Variants in NRXN1 observed in about 807,000 individuals in gnomAD.
NRXN1 encodes the protein neurexin 1.
A neutral mutation model predicts 150.9 loss-of-function variants in NRXN1; 39 were observed. The observed-to-expected ratio is 0.26, with a 90% CI of 0.20 to 0.34. NRXN1 has a LOEUF of 0.34. Among genes scored for constraint, NRXN1 ranks in the 10% least tolerant of loss-of-function variants. The pLI, the probability that NRXN1 is intolerant of heterozygous loss-of-function variation, is 1.00. For missense variants in NRXN1, 1,815 were observed against 1,949.9 expected (o/e 0.93, Z 1.30); for synonymous variants, 924 against 757.0 (o/e 1.22, Z -3.62).
rs2105327685 is a variant in NRXN1, at chr2:51,027,626, C to T, written c.648G>A (p.Pro216=). 2.5e-6 allele frequency: 4 copies of T among 1,583,508 alleles called. No individual in the cohort carries two copies. The highest frequency in any genetic ancestry group is 3.4e-6 in the Non-Finnish European group (4 of 1,164,950). Residue 216 remains proline (P), a synonymous_variant, in exon 2 of 23, where the codon CCG becomes CCA. Coordinates refer to ENST00000401669, the MANE Select transcript of NRXN1 (RefSeq NM_001330078.2). ...DEPPNSGGGS[P]CEAGEEGEGG... ...CCTCGCCCTCCTCGCCCGCCTCGCA[C>T]GGGCTTCCCCCGCCGCTGTTGGGCG...
chr2:50,538,025 T>A (rs935878774), intron 10 of NRXN1, among the ~76,000 whole-genome samples: 2 of 152,182 alleles, frequency 1.3e-5, no homozygotes, highest in Non-Finnish European at 2.9e-5. Context: ...AAGATTCAAG[T>A]TTCTATTCCT....
intron 5 of NRXN1, among the ~76,000 whole-genome samples, chr2:50,649,261 C>CAT (rs2104543039): frequency 1.4e-5 from 1 of 73,326 alleles, no homozygotes; most frequent in South Asian, 3.5e-4. Flanking sequence ...TACACACATA[C>CAT]ACACACACAC....
Position 49,921,877 on chromosome 2 carries a change from A to C in NRXN1, c.*67T>G, listed in dbSNP as rs1668264483. On this transcript the variant is annotated 3_prime_UTR_variant, in exon 23 of 23. Coordinates refer to ENST00000401669, the MANE Select transcript of NRXN1 (RefSeq NM_001330078.2). ...TGCTTCATAAAAAGGAAAGTAAATA[A>C]GTTTATATTATGTCTCAGATAAAAT... 2.0e-6 allele frequency: 3 copies of C among 1,498,054 alleles called. No homozygotes were observed. The highest frequency in any genetic ancestry group is 1.2e-5 in the South Asian group (1 of 85,348). 92.8% of individuals were successfully genotyped at this position (1,498,054 alleles called of 1,614,324 possible). A position where few individuals can be genotyped will look rare whatever the true frequency, so the allele number is the denominator to read the frequency against.
At chr2:50,583,781 T>C (rs546960339) in intron 8 of NRXN1, among the ~76,000 whole-genome samples, 4 of 152,320 alleles carry the variant, frequency 2.6e-5, no homozygotes, top group African/African-American at 9.6e-5. Flanking sequence ...GCCCTCACCA[T>C]CTTCCAACTA....
chr2:50,821,233 G>A (rs1429948854), intron 5 of NRXN1, among the ~76,000 whole-genome samples: 4 of 152,156 alleles, frequency 2.6e-5, no homozygotes, highest in Non-Finnish European at 4.4e-5. Context: ...GGATGGTTTT[G>A]AATGCAGCCC....
chr2:50,150,191 G>C (rs189440090), intron 18 of NRXN1, among the ~76,000 whole-genome samples: 2 of 151,864 alleles, frequency 1.3e-5, no homozygotes, highest in African/African-American at 4.8e-5. Flanking sequence ...AGCTGACCTA[G>C]AGTTAATCAC....
rs113920146 is a variant in NRXN1 at position 50,280,802 on chromosome 2, T to C, written c.3365-43832A>G. ...TAGGATGCTCCTATTGAGCCTTTCCTGAGGGAAGAATATGATTAATGAAAG... is the reference window on the plus strand; with the variant it reads ...TAGGATGCTCCTATTGAGCCTTTCCCGAGGGAAGAATATGATTAATGAAAG... On this transcript the variant is annotated intron_variant, in intron 17 of 22. Transcript: ENST00000401669. Among the ~76,000 whole-genome samples the C allele has an allele frequency of 7.2e-3, 1,104 of 152,290 alleles. 19 individuals carry two copies. Among genetic ancestry groups the C allele is most frequent in the African/African-American group, 0.025 (1,028 of 41,540 alleles).
At chr2:50,568,192 A>G (rs1670153528) in intron 8 of NRXN1, among the ~76,000 whole-genome samples, 1 of 152,044 alleles carries the variant, frequency 6.6e-6, no homozygotes, top group Admixed American at 6.5e-5. Flanking sequence ...TTAACTTTTA[A>G]TAATAATGAT....
chr2:50,003,366 CA>C (rs1026377829), intron 21 of NRXN1, among the ~76,000 whole-genome samples: 2 of 152,070 alleles, frequency 1.3e-5, no homozygotes, highest in Non-Finnish European at 2.9e-5. Context: ...TTTGTAATGC[CA>C]AACACAAATT....
At chr2:50,938,426 T>C (rs575338534) in intron 2 of NRXN1, among the ~76,000 whole-genome samples, 12 of 152,150 alleles carry the variant, frequency 7.9e-5, no homozygotes, top group Middle Eastern at 3.2e-3. Context: ...GTCAGAACCA[T>C]TCAACAAGAC....
intron 5 of NRXN1, among the ~76,000 whole-genome samples, chr2:50,825,103 T>A (rs1670269482): frequency 6.6e-6 from 1 of 152,202 alleles, no homozygotes; most frequent in South Asian, 2.1e-4. Context: ...ATAGTTTTGT[T>A]TATTCATTTG....
Position 50,547,583 on chromosome 2 carries a change from T to A in NRXN1, c.1759+5004A>T, listed in dbSNP as rs1399844152. The A allele has an allele frequency of 2.6e-5, 4 of 152,220 alleles. No homozygotes were observed. The East Asian group carries it at 7.7e-4, about 29-fold the overall frequency. 9.4% of individuals were successfully genotyped at this position (152,220 alleles called of 1,614,324 possible). A position where few individuals can be genotyped will look rare whatever the true frequency, so the allele number is the denominator to read the frequency against. ...AACAACAAAAACGCTCAGCTGTAAG[T>A]CCTGCAAAAATTGCAAAGTAATGGG... On this transcript the variant is annotated intron_variant, in intron 9 of 22. Coordinates refer to ENST00000401669, the MANE Select transcript of NRXN1 (RefSeq NM_001330078.2).
At chr2:50,724,870 C>G (rs952967225) in intron 5 of NRXN1, among the ~76,000 whole-genome samples, 1 of 152,078 alleles carries the variant, frequency 6.6e-6, no homozygotes, top group East Asian at 1.9e-4. Context: ...TCTTCTTTTG[C>G]TCTTCACAAT....
chr2:50,774,458 A>G (rs1703370449), intron 5 of NRXN1, among the ~76,000 whole-genome samples: 1 of 152,184 alleles, frequency 6.6e-6, no homozygotes, highest in Non-Finnish European at 1.5e-5. Context: ...TATATGACAC[A>G]GTAAAAATGC....
chr2:50,267,540 G>A (rs1189853644), intron 17 of NRXN1, among the ~76,000 whole-genome samples: 1 of 152,140 alleles, frequency 6.6e-6, no homozygotes, highest in Non-Finnish European at 1.5e-5. Context: ...TCAGAAGGAT[G>A]AAGCTGCTTG....
At chr2:51,011,727 T>C (rs1667907338) in intron 2 of NRXN1, among the ~76,000 whole-genome samples, 1 of 152,060 alleles carries the variant, frequency 6.6e-6, no homozygotes, top group Non-Finnish European at 1.5e-5. Context: ...GACCAATTTA[T>C]ATACAAGTGC....
intron 5 of NRXN1, among the ~76,000 whole-genome samples, chr2:50,837,453 T>C (rs1028953591): frequency 1.3e-5 from 2 of 152,132 alleles, no homozygotes; most frequent in Non-Finnish European, 2.9e-5. Flanking sequence ...CTTGGGCAAG[T>C]ACTTTCATTT....
chr2:50,788,644 T>C (rs1016701895), intron 5 of NRXN1, among the ~76,000 whole-genome samples: 2 of 151,888 alleles, frequency 1.3e-5, no homozygotes, highest in African/African-American at 4.8e-5. Context: ...AGAAACCCTT[T>C]CGAGAAGGCC....
chr2:50,598,332 G>C (rs1675585252), intron 8 of NRXN1, among the ~76,000 whole-genome samples: 1 of 151,924 alleles, frequency 6.6e-6, no homozygotes, highest in African/African-American at 2.4e-5. Flanking sequence ...TTGCATCTTT[G>C]TTCAGTCTCT....
Sources: gnomAD v4.1 joint callset for allele counts (sites outside exome capture counted in the v4.1 genomes callset) on GRCh38, gnomAD v4.1.1 for gene constraint, MANE v1.5 for transcripts, NCBI Gene and HGNC (gene_info 2026-07-23, HGNC 2026-07-21) for gene names.